Variants in LRRC7 observed in about 807,000 individuals in gnomAD.
The protein encoded by LRRC7 is leucine rich repeat containing 7, also known as leucine-rich repeat-containing protein 7.
A neutral mutation model predicts 175.7 loss-of-function variants in LRRC7; 23 were observed. The observed-to-expected ratio is 0.13, with a 90% CI of 0.09 to 0.19. LRRC7 has a LOEUF of 0.19. LRRC7 is among the 10% of genes least tolerant of loss of function. The probability of loss-of-function intolerance (pLI) is 1.00; values close to 1 mark genes in which losing one functional copy is unlikely to be tolerated. For synonymous variants in LRRC7, 685 were observed against 680.9 expected, an observed-to-expected ratio of 1.01 and a Z score of -0.09; for missense variants, 1,354 against 1,904.7, an observed-to-expected ratio of 0.71 and a Z score of 5.38.
intron 2 of LRRC7, among the ~76,000 whole-genome samples, chr1:69,686,586 C>A (rs1661176297): frequency 6.6e-6 from 1 of 151,950 alleles, no homozygotes; most frequent in Non-Finnish European, 1.5e-5. Context: ...ACTAAGAAGA[C>A]TACAAAATAA....
At chr1:69,779,888 C>A (rs147749943) in intron 3 of LRRC7, among the ~76,000 whole-genome samples, 57 of 152,176 alleles carry the variant, frequency 3.7e-4, no homozygotes, top group Non-Finnish European at 6.8e-4. Flanking sequence ...CAGTACTATA[C>A]CTGTCCCACC....
chr1:69,678,343 A>T (rs748196204), intron 1 of LRRC7, 38 bp from the exon 2 acceptor site: 2 of 1,372,958 alleles, frequency 1.5e-6, no homozygotes, highest in South Asian at 2.5e-5. Flanking sequence ...TATCCAAAAA[A>T]AAGAGTATGA....
chr1:69,668,610 G>C (rs1658616424), intron 1 of LRRC7, among the ~76,000 whole-genome samples: 1 of 152,300 alleles, frequency 6.6e-6, no homozygotes, highest in Non-Finnish European at 1.5e-5. Context: ...AAACATATGT[G>C]TGCATTTGTC....
At chr1:69,769,737 A>G (rs902072138) in intron 3 of LRRC7, among the ~76,000 whole-genome samples, 11 of 152,224 alleles carry the variant, frequency 7.2e-5, no homozygotes, top group Admixed American at 1.3e-4. Context: ...TATTTTAATA[A>G]GAAACAAGAG....
chr1:70,009,266 A>T (rs1411754372), intron 11 of LRRC7, among the ~76,000 whole-genome samples: 1 of 151,588 alleles, frequency 6.6e-6, no homozygotes, highest in Admixed American at 6.6e-5. Context: ...ATTGATAGAG[A>T]CCTCTTTTAT....
chr1:69,644,361 T>G (rs944977991), intron 1 of LRRC7, among the ~76,000 whole-genome samples: 3 of 152,080 alleles, frequency 2.0e-5, no homozygotes, highest in Non-Finnish European at 4.4e-5. Flanking sequence ...CATTTACGGT[T>G]GCTACATCTT....
chr1:69,871,803 T>C (rs556991837), intron 7 of LRRC7, among the ~76,000 whole-genome samples: 67 of 152,134 alleles, frequency 4.4e-4, no homozygotes, highest in African/African-American at 1.5e-3. Context: ...ATGTATTGCC[T>C]GTCAATTAAA....
At chr1:69,791,062 T>C (rs928549450) in intron 3 of LRRC7, among the ~76,000 whole-genome samples, 1 of 151,964 alleles carries the variant, frequency 6.6e-6, no homozygotes, top group Non-Finnish European at 1.5e-5. Flanking sequence ...TTCATAGTCA[T>C]GGATACCAGA....
Position 69,838,302 on chromosome 1 carries a change from T to C in LRRC7, c.647+19T>C. ...TACCAAAGTAAGTGACTGTGTATTT[T>C]CTGAATTTTGAACTGTGATTTTTTT... On this transcript the variant is annotated intron_variant, in intron 7 of 26. Coordinates refer to ENST00000651989, the MANE Select transcript of LRRC7 (RefSeq NM_001370785.2). 6.3e-7 allele frequency: 1 copy of C among 1,591,374 alleles called. No homozygotes were observed. The highest frequency in any genetic ancestry group is 8.6e-7 in the Non-Finnish European group (1 of 1,160,898).
intron 3 of LRRC7, among the ~76,000 whole-genome samples, chr1:69,786,706 A>G (rs1348227649): frequency 1.3e-5 from 2 of 152,152 alleles, no homozygotes; most frequent in Non-Finnish European, 2.9e-5. Flanking sequence ...GATTTATTCA[A>G]TCACAAAAAC....
chr1:69,596,509 G>A (rs1002263445), intron 1 of LRRC7, among the ~76,000 whole-genome samples: 1 of 152,160 alleles, frequency 6.6e-6, no homozygotes, highest in African/African-American at 2.4e-5. Flanking sequence ...TAAACCACCT[G>A]ATGTAAACAA....
At position 70,028,320 on chromosome 1, in the gene LRRC7, A is replaced by G. The variant is rs1471894510; in HGVS notation, c.1944A>G (p.Lys648=). 4 of 1,613,646 alleles carry G rather than the reference A, an allele frequency of 2.5e-6. No individual in the cohort carries two copies. ...CTGCTAACACGGAGCAAACTGTGAA[A>G]GAAAAATATGAACACAAGTGGCCGG... ...NPTANTEQTV[K]EKYEHKWPVA... is the part of the protein sequence containing the mutation. The change falls in exon 18 of 27, where the codon AAA becomes AAG. Residue 648 remains lysine (K), a synonymous_variant. Coordinates refer to ENST00000651989, the MANE Select transcript of LRRC7 (RefSeq NM_001370785.2).
intron 2 of LRRC7, among the ~76,000 whole-genome samples, chr1:69,710,562 G>A (rs1740909): frequency 1.3e-5 from 2 of 151,974 alleles, no homozygotes; most frequent in Non-Finnish European, 2.9e-5. Flanking sequence ...CTTACTGGGC[G>A]TAAGGCAAAA....
In LRRC7 at chr1:70,039,698, C is replaced by G; in HGVS notation, c.3874C>G (p.Pro1292Ala). The G allele has an allele frequency of 6.2e-7, 1 of 1,614,062 alleles. No homozygotes were observed. The highest frequency in any genetic ancestry group is 8.5e-7 in the Non-Finnish European group (1 of 1,179,996). Residue 1292 changes from proline (P) to alanine (A), a missense_variant, in exon 21 of 27, where the codon CCT becomes GCT. Physicochemically the swap from Pro to Ala is conservative, Grantham distance 27. Transcript: ENST00000651989. ...AGATAACAGTGATTTAAAGACGAGG[C>G]CTACTCCTGTGAAGGGAGAGGAGAG... Reference protein sequence around the residue: ...PSDNSDLKTRPTPVKGEESCG... With the variant: ...PSDNSDLKTRATPVKGEESCG...
At chr1:69,750,385 G>C (rs1337428395) in intron 2 of LRRC7, among the ~76,000 whole-genome samples, 1 of 152,122 alleles carries the variant, frequency 6.6e-6, no homozygotes, top group African/African-American at 2.4e-5. Flanking sequence ...ACTCTGATTT[G>C]ATTGTCACAC....
At chr1:69,767,496 G>T (rs182250697) in intron 3 of LRRC7, among the ~76,000 whole-genome samples, 151 of 151,802 alleles carry the variant, frequency 9.9e-4, no homozygotes, top group African/African-American at 3.5e-3. Flanking sequence ...TCACTCTGTC[G>T]CACAGTCTGG....
chr1:69,718,614 A>G (rs1666006308), intron 2 of LRRC7, among the ~76,000 whole-genome samples: 1 of 151,798 alleles, frequency 6.6e-6, no homozygotes, highest in Non-Finnish European at 1.5e-5. Flanking sequence ...AGGCAAAAAA[A>G]CATGTACTGA....
At position 70,089,831 on chromosome 1, in the gene LRRC7, A is replaced by ATATCT; in HGVS notation, c.4545+14_4545+18dup. ...AACCTTCTGACAAGGTAAGAAATGAATATCTTGTTGACAATATTAATTAGA... is the reference window on the plus strand; with the variant it reads ...AACCTTCTGACAAGGTAAGAAATGAATATCTTATCTTGTTGACAATATTAATTAGA... On this transcript the variant is annotated intron_variant, in intron 25 of 26. Coordinates refer to ENST00000651989, the MANE Select transcript of LRRC7 (RefSeq NM_001370785.2). 6.5e-7 allele frequency: 1 copy of ATATCT among 1,530,392 alleles called. No individual in the cohort carries two copies. The highest frequency in any genetic ancestry group is 9.0e-7 in the Non-Finnish European group (1 of 1,108,418). 94.8% of individuals were successfully genotyped at this position (1,530,392 alleles called of 1,614,324 possible).
At position 70,121,927 on chromosome 1, in the gene LRRC7, T is replaced by C; in HGVS notation, c.*40T>C. On this transcript the variant is annotated 3_prime_UTR_variant, in exon 27 of 27. Coordinates refer to ENST00000651989, the MANE Select transcript of LRRC7 (RefSeq NM_001370785.2). ...TAGTGAAGATACGTCTAGCCAGACC[T>C]AATGTTCAAAAATAAATTTATACAT... is the stretch of plus-strand genomic sequence containing the variant. The C allele has an allele frequency of 7.1e-7, 1 of 1,408,202 alleles. No homozygotes were observed. Among genetic ancestry groups the C allele is most frequent in the African/African-American group, 1.4e-5 (1 of 69,326 alleles). The allele number at this position is 1,408,202 out of a possible 1,614,324, so 87.2% of individuals were successfully genotyped here. A position where few individuals can be genotyped will look rare whatever the true frequency, so the allele number is the denominator to read the frequency against.
Sources: allele counts gnomAD v4.1 joint callset (sites outside exome capture counted in the v4.1 genomes callset), GRCh38; gene constraint gnomAD v4.1.1; transcripts MANE v1.5; gene names NCBI Gene and HGNC (gene_info 2026-07-23, HGNC 2026-07-21).